Variants in TNKS observed in about 807,000 individuals in gnomAD.
The protein encoded by TNKS is poly [ADP-ribose] polymerase tankyrase-1.
Under a neutral mutation model 135.8 loss-of-function variants are expected in TNKS, and 72 were observed. The ratio of observed to expected loss-of-function variants is 0.53; its 90% CI spans 0.44 to 0.64. The LOEUF is 0.64. Among genes scored for constraint, TNKS ranks in the 30% least tolerant of loss-of-function variants. The probability of loss-of-function intolerance (pLI) is 0.00; values close to 1 mark genes in which losing one functional copy is unlikely to be tolerated. For missense variants in TNKS, 1,769 were observed against 1,674.0 expected (o/e 1.06, Z -0.99); for synonymous variants, 849 against 649.3 (o/e 1.31, Z -4.68).
At chr8:9,608,003 G>A (rs892696515) in intron 2 of TNKS, among the ~76,000 whole-genome samples, 1 of 152,072 alleles carries the variant, frequency 6.6e-6, no homozygotes, top group Admixed American at 6.5e-5. Flanking sequence ...GCAGTGGTGC[G>A]ATCATGGCTC....
intron 3 of TNKS, among the ~76,000 whole-genome samples, chr8:9,625,914 T>C (rs561082840): frequency 6.6e-6 from 1 of 152,318 alleles, no homozygotes; most frequent in South Asian, 2.1e-4. Context: ...ATGCCTGTTA[T>C]TAATAGATTC....
Position 9,706,250 on chromosome 8 carries a change from A to G in TNKS, c.1266A>G (p.Leu422=). The G allele has an allele frequency of 1.3e-6, 2 of 1,568,896 alleles. No individual in the cohort carries two copies. The highest frequency in any genetic ancestry group is 1.7e-6 in the Non-Finnish European group (2 of 1,160,776). The stretch of plus-strand genomic sequence containing the variant: ...ATTATGAAGTCACAGAACTGCTACT[A>G]AAGGTAAGAGAAATTCAGAATATTG... ...YGHYEVTELL[L]KHGACVNAMD... is the part of the protein sequence containing the mutation. The change falls in exon 7 of 27, where the codon CTA becomes CTG. Residue 422 remains leucine (L), a synonymous_variant. Transcript: ENST00000310430.
rs369895386 is a variant in TNKS, at chr8:9,766,228, C to T, written c.3554-11C>T. On this transcript the variant is annotated splice_polypyrimidine_tract_variant and intron_variant, in intron 24 of 26. Coordinates refer to ENST00000310430, the MANE Select transcript of TNKS (RefSeq NM_003747.3). ...GTTCAAAAACGAATCTTTCTGTCTT[C>T]GTATTTCTAGGTTCTCCTTTCATTA... The T allele has an allele frequency of 3.3e-5, 52 of 1,590,954 alleles. No homozygotes were observed. The highest frequency in any genetic ancestry group is 4.4e-5 in the Non-Finnish European group (51 of 1,165,684).
intron 5 of TNKS, among the ~76,000 whole-genome samples, chr8:9,693,358 G>A (rs1351933374): frequency 7.7e-6 from 1 of 130,058 alleles, no homozygotes; most frequent in South Asian, 3.0e-4. Context: ...AGAACTCAGA[G>A]AGAAAACAAA....
chr8:9,568,775 G>A (rs958070890), intron 1 of TNKS, among the ~76,000 whole-genome samples: 1 of 151,840 alleles, frequency 6.6e-6, no homozygotes, highest in Non-Finnish European at 1.5e-5. Flanking sequence ...TATTTTAATA[G>A]CATTGTCAGA....
intron 2 of TNKS, among the ~76,000 whole-genome samples, chr8:9,584,164 T>TAAAAAAA (rs34977301): frequency 8.7e-6 from 1 of 114,446 alleles, no homozygotes. Flanking sequence ...ACTCTGTCTT[T>TAAAAAAA]AAAAAAAAAA....
intron 18 of TNKS, among the ~76,000 whole-genome samples, chr8:9,748,864 G>C (rs1309666886): frequency 6.6e-6 from 1 of 152,170 alleles, no homozygotes; most frequent in African/African-American, 2.4e-5. Flanking sequence ...GGGGTCACTT[G>C]TGCAACTGCA....
rs746879304 is a variant in TNKS, at chr8:9,720,417, C to G, written c.1793C>G (p.Ala598Gly). The G allele has an allele frequency of 6.2e-7, 1 of 1,613,758 alleles. No individual in the cohort carries two copies. The highest frequency in any genetic ancestry group is 1.1e-5 in the South Asian group (1 of 91,040). Residue 598 changes from alanine to glycine, a missense_variant, in exon 12 of 27, where the codon GCC (alanine) becomes GGC (glycine). By Grantham distance (60) the Ala-to-Gly change is moderately conservative (BLOSUM62 0). Around this residue, in one of 5 missense-constraint regions of TNKS, gnomAD observed 523 missense variants for 541.0 expected, o/e 0.97. Coordinates refer to ENST00000310430, the MANE Select transcript of TNKS (RefSeq NM_003747.3). ...DTLGQTALHR[A>G]ALAGHLQTCR... Reference sequence around the variant, plus strand: ...CTTGGTCAGACTGCTTTGCATAGAGCCGCCCTAGCAGGTCACCTGCAGACC... The same window carrying G: ...CTTGGTCAGACTGCTTTGCATAGAGGCGCCCTAGCAGGTCACCTGCAGACC...
intron 12 of TNKS, among the ~76,000 whole-genome samples, chr8:9,724,436 T>G (rs914251862): frequency 6.7e-6 from 1 of 150,244 alleles, no homozygotes; most frequent in Non-Finnish European, 1.5e-5. Context: ...AAGAAAGAAC[T>G]AAACAAATAA....
intron 3 of TNKS, among the ~76,000 whole-genome samples, chr8:9,616,324 CTAAG>C (rs1799644001): frequency 6.6e-6 from 1 of 152,124 alleles, no homozygotes; most frequent in Non-Finnish European, 1.5e-5. Context: ...AAATAGTGCT[CTAAG>C]TGTTTTCATT....
intron 17 of TNKS, among the ~76,000 whole-genome samples, chr8:9,744,927 T>C (rs1184786573): frequency 6.6e-6 from 1 of 152,226 alleles, no homozygotes; most frequent in Non-Finnish European, 1.5e-5. Flanking sequence ...ATACCAGATA[T>C]ACAATTCATT....
At chr8:9,645,656 A>C (rs1391532236) in intron 3 of TNKS, among the ~76,000 whole-genome samples, 1 of 152,166 alleles carries the variant, frequency 6.6e-6, no homozygotes, top group South Asian at 2.1e-4. Context: ...CATGGTCTAA[A>C]TGTATTTTCA....
At chr8:9,759,825 A>G (rs1040483768) in intron 20 of TNKS, among the ~76,000 whole-genome samples, 3 of 152,064 alleles carry the variant, frequency 2.0e-5, no homozygotes, top group African/African-American at 7.2e-5. Context: ...ATACAAAAAA[A>G]TTAGCCGGGC....
At chr8:9,654,071 C>A (rs901434854) in intron 3 of TNKS, among the ~76,000 whole-genome samples, 1 of 152,176 alleles carries the variant, frequency 6.6e-6, no homozygotes, top group African/African-American at 2.4e-5. Context: ...TTTCAAGGAA[C>A]AATTCTGAGC....
chr8:9,559,906 A>T (rs929551384), intron 1 of TNKS, among the ~76,000 whole-genome samples: 1 of 152,168 alleles, frequency 6.6e-6, no homozygotes, highest in Non-Finnish European at 1.5e-5. Flanking sequence ...TCCTATCTGC[A>T]GTTAAGACAA....
chr8:9,766,248 T>G lies in TNKS; in HGVS notation c.3563T>G (p.Phe1188Cys). Residue 1188 changes from phenylalanine to cysteine, a missense_variant, in exon 25 of 27, where the codon TTC becomes TGC. By Grantham distance (205) the Phe-to-Cys change is radical. Around this residue, in one of 5 missense-constraint regions of TNKS, gnomAD observed 722 missense variants for 688.9 expected, o/e 1.05. Coordinates refer to ENST00000310430, the MANE Select transcript of TNKS (RefSeq NM_003747.3). ...NERMLFHGSPFINAIIHKGFD... is the reference protein window; with the variant it reads ...NERMLFHGSPCINAIIHKGFD... ...GTCTTCGTATTTCTAGGTTCTCCTTTCATTAATGCCATTATTCATAAAGGG... is the reference window on the plus strand; with the variant it reads ...GTCTTCGTATTTCTAGGTTCTCCTTGCATTAATGCCATTATTCATAAAGGG... 1 of 1,600,594 alleles carries G rather than the reference T, an allele frequency of 6.2e-7. No homozygotes were observed. Among genetic ancestry groups the G allele is most frequent in the Non-Finnish European group, 8.5e-7 (1 of 1,172,594 alleles).
chr8:9,667,431 C>A (rs1362936326), intron 3 of TNKS, among the ~76,000 whole-genome samples: 1 of 152,232 alleles, frequency 6.6e-6, no homozygotes, highest in African/African-American at 2.4e-5. Context: ...CCCCTGGATG[C>A]GTAAGCCTAC....
intron 1 of TNKS, among the ~76,000 whole-genome samples, chr8:9,563,990 T>A (rs1329499637): frequency 6.6e-6 from 1 of 152,246 alleles, no homozygotes; most frequent in African/African-American, 2.4e-5. Flanking sequence ...CCTGCAGCTC[T>A]GGCCTAGAAT....
chr8:9,744,822 G>A (rs529784225), intron 17 of TNKS, among the ~76,000 whole-genome samples: 2 of 152,084 alleles, frequency 1.3e-5, no homozygotes, highest in Non-Finnish European at 2.9e-5. Flanking sequence ...CCTGTTCATT[G>A]TTCTTTCAGA....
Sources: gnomAD v4.1 joint callset for allele counts (sites outside exome capture counted in the v4.1 genomes callset) on GRCh38, gnomAD v4.1.1 for gene constraint, gnomAD v4.1.1 regional missense constraint, MANE v1.5 for transcripts, NCBI Gene and HGNC (gene_info 2026-07-23, HGNC 2026-07-21) for gene names.